SH3BGRL2: variants seen among roughly 807,000 people sequenced by gnomAD.
SH3BGRL2 encodes SH3 domain binding glutamate rich protein like 2, also known as SH3 domain-binding glutamic acid-rich-like protein 2.
SH3BGRL2 carries 21 observed loss-of-function variants against 14.8 expected under a neutral mutation model. The ratio of observed to expected loss-of-function variants is 1.42; its 90% CI spans 1.01 to 2.05. The LOEUF (loss-of-function observed/expected upper bound fraction) is 2.05. Among genes scored for constraint, SH3BGRL2 ranks in the 30% most tolerant of loss-of-function variants. SH3BGRL2 has a pLI of 0.00. For synonymous variants in SH3BGRL2, 50 were observed against 47.8 expected (o/e 1.05, Z -0.19); for missense variants, 147 against 130.8 (o/e 1.12, Z -0.61).
chr6:79,625,265 CAT>C, the SH3BGRL2 span, among the ~76,000 whole-genome samples: 9 of 151,864 alleles, frequency 5.9e-5, no homozygotes, highest in African/African-American at 2.2e-4. Flanking sequence ...CACACACACA[CAT>C]AATTACTTCC....
chr6:79,587,022 T>TA, the SH3BGRL2 span, among the ~76,000 whole-genome samples: 2 of 152,208 alleles, frequency 1.3e-5, no homozygotes, highest in Non-Finnish European at 2.9e-5. Context: ...AACACGTTTT[T>TA]ATCTAGACCC....
At chr6:79,661,810 T>C (rs560027046) in intron 1 of SH3BGRL2, among the ~76,000 whole-genome samples, 1 of 152,314 alleles carries the variant, frequency 6.6e-6, no homozygotes, top group South Asian at 2.1e-4. Flanking sequence ...TGAATCTGGG[T>C]GCTCCTGTAT....
chr6:79,597,105 C>G, the SH3BGRL2 span, among the ~76,000 whole-genome samples: 17 of 152,144 alleles, frequency 1.1e-4, no homozygotes, highest in African/African-American at 4.1e-4. Context: ...TGGCAGGCAC[C>G]TGTAATCCCA....
At chr6:79,655,729 T>G (rs1268553058) in intron 1 of SH3BGRL2, among the ~76,000 whole-genome samples, 1 of 152,244 alleles carries the variant, frequency 6.6e-6, no homozygotes. Flanking sequence ...TAGCATGATC[T>G]CAAAGTTCAT....
chr6:79,584,929 C>T, the SH3BGRL2 span, among the ~76,000 whole-genome samples: 1 of 151,852 alleles, frequency 6.6e-6, no homozygotes, highest in Non-Finnish European at 1.5e-5. Context: ...ACAAATATAC[C>T]ATATTTCATC....
At position 79,699,493 on chromosome 6, in the gene SH3BGRL2, T is replaced by TTTTTTGG; in HGVS notation, c.313-5_313-4insTTTTTGG. The stretch of plus-strand genomic sequence containing the variant: ...TTTTTTTTTTTTTTTTTTTTTTTTT[T>TTTTTTGG]ATAGGCAGAACCTTAGAGAAGAAGA... On this transcript the variant is annotated splice_polypyrimidine_tract_variant and splice_region_variant and intron_variant, in intron 3 of 3. Coordinates refer to ENST00000369838, the MANE Select transcript of SH3BGRL2 (RefSeq NM_031469.4). 1 of 1,407,108 alleles carries TTTTTTGG rather than the reference T, an allele frequency of 7.1e-7. No individual in the cohort carries two copies. The highest frequency in any genetic ancestry group is 9.3e-7 in the Non-Finnish European group (1 of 1,072,446). 87.2% of individuals were successfully genotyped at this position (1,407,108 alleles called of 1,614,324 possible). A position where few individuals can be genotyped will look rare whatever the true frequency, so the allele number is the denominator to read the frequency against.
the SH3BGRL2 span, among the ~76,000 whole-genome samples, chr6:79,584,506 C>A: frequency 6.6e-6 from 1 of 152,204 alleles, no homozygotes; most frequent in African/African-American, 2.4e-5. Flanking sequence ...AGTGTCTGAG[C>A]TCCCCTCCTG....
At chr6:79,549,430 C>T in the SH3BGRL2 span, among the ~76,000 whole-genome samples, 2 of 152,124 alleles carry the variant, frequency 1.3e-5, no homozygotes, top group African/African-American at 2.4e-5. Flanking sequence ...CACCAGTGGT[C>T]CCATAAGATT....
At chr6:79,551,286 T>C in the SH3BGRL2 span, among the ~76,000 whole-genome samples, 1 of 152,102 alleles carries the variant, frequency 6.6e-6, no homozygotes, top group African/African-American at 2.4e-5. Flanking sequence ...ATTTAATATA[T>C]AAAGAGCAGT....
chr6:79,547,430 A>C, the SH3BGRL2 span, among the ~76,000 whole-genome samples: 1 of 152,100 alleles, frequency 6.6e-6, no homozygotes, highest in Non-Finnish European at 1.5e-5. Flanking sequence ...AAGGTCACCC[A>C]CCACACTTGA....
At chr6:79,618,189 T>A in the SH3BGRL2 span, among the ~76,000 whole-genome samples, 1 of 152,376 alleles carries the variant, frequency 6.6e-6, no homozygotes, top group Non-Finnish European at 1.5e-5. Context: ...CTTTGCTAAT[T>A]TTCAGAATAA....
chr6:79,645,055 G>A (rs2812718), intron 1 of SH3BGRL2, among the ~76,000 whole-genome samples: 16,209 of 151,418 alleles, frequency 0.11, 1,328 homozygotes, highest in East Asian at 0.43. Flanking sequence ...AGCTACTCAG[G>A]AGGCTGAGGT....
intron 1 of SH3BGRL2, among the ~76,000 whole-genome samples, chr6:79,640,684 G>A (rs1403383306): frequency 3.9e-5 from 6 of 152,040 alleles, no homozygotes; most frequent in African/African-American, 1.5e-4. Flanking sequence ...TGTCTGCTTT[G>A]CTGTGGGGTC....
chr6:79,688,677 T>A (rs114084859), intron 2 of SH3BGRL2, among the ~76,000 whole-genome samples: 4,267 of 152,262 alleles, frequency 0.028, 204 homozygotes, highest in African/African-American at 0.097. Flanking sequence ...ATTTTTTAAA[T>A]ATATGTAAGC....
chr6:79,554,402 C>T, the SH3BGRL2 span, among the ~76,000 whole-genome samples: 4 of 152,100 alleles, frequency 2.6e-5, no homozygotes, highest in African/African-American at 9.7e-5. Flanking sequence ...TATTAATAAG[C>T]CTTTCTAAGC....
At chr6:79,641,812 A>G (rs1325257175) in intron 1 of SH3BGRL2, among the ~76,000 whole-genome samples, 3 of 152,234 alleles carry the variant, frequency 2.0e-5, no homozygotes, top group Non-Finnish European at 4.4e-5. Context: ...TCCAAAAATT[A>G]TATACAGTAC....
At chr6:79,611,433 G>A in the SH3BGRL2 span, among the ~76,000 whole-genome samples, 1 of 137,390 alleles carries the variant, frequency 7.3e-6, no homozygotes. Context: ...TTGAGACGGA[G>A]TCTCACTCTG....
At chr6:79,565,403 G>A in the SH3BGRL2 span, among the ~76,000 whole-genome samples, 7 of 151,976 alleles carry the variant, frequency 4.6e-5, no homozygotes, top group Non-Finnish European at 8.8e-5. Flanking sequence ...CAAATTCTAT[G>A]TTTTTTTACT....
chr6:79,682,088 G>A (rs1011118218), intron 2 of SH3BGRL2, among the ~76,000 whole-genome samples: 1 of 152,006 alleles, frequency 6.6e-6, no homozygotes, highest in Admixed American at 6.5e-5. Flanking sequence ...CTGACAAAAA[G>A]TTACTGGAAA....
Sources: allele counts gnomAD v4.1 joint callset (sites outside exome capture counted in the v4.1 genomes callset), GRCh38; gene constraint gnomAD v4.1.1; transcripts MANE v1.5; gene names NCBI Gene and HGNC (gene_info 2026-07-23, HGNC 2026-07-21).